UGGT1: variants seen among roughly 807,000 people sequenced by gnomAD.
UGGT1 encodes the protein UDP-glucose glycoprotein glucosyltransferase 1.
In UGGT1, 107 loss-of-function variants were observed where a neutral mutation model predicts 203.9. The observed-to-expected ratio is 0.52, with a 90% confidence interval of 0.45 to 0.62. UGGT1 has a LOEUF of 0.62. Ranked by LOEUF, UGGT1 falls within the 20% of genes least tolerant of loss-of-function variation. UGGT1 has a pLI of 0.00. For missense variants in UGGT1, 1,673 were observed against 1,867.2 expected, an observed-to-expected ratio of 0.90 and a Z score of 1.92; for synonymous variants, 628 against 653.5, an observed-to-expected ratio of 0.96 and a Z score of 0.59.
intron 40 of UGGT1, among the ~76,000 whole-genome samples, chr2:128,189,432 G>A (rs1482240934): frequency 2.0e-5 from 3 of 152,106 alleles, no homozygotes; most frequent in Non-Finnish European, 2.9e-5. Flanking sequence ...GAAAAATCCC[G>A]ACTAAAAAAA....
chr2:128,097,179 A>G (rs1296564023), intron 1 of UGGT1, among the ~76,000 whole-genome samples: 1 of 152,178 alleles, frequency 6.6e-6, no homozygotes, highest in East Asian at 1.9e-4. Flanking sequence ...GTTTGAGACC[A>G]GCCTGGCCAA....
chr2:128,182,741 T>C (rs1400738155), intron 37 of UGGT1, among the ~76,000 whole-genome samples: 1 of 151,364 alleles, frequency 6.6e-6, no homozygotes, highest in Non-Finnish European at 1.5e-5. Context: ...TTCCTAATCC[T>C]GTCTCTCTCT....
Position 128,156,390 on chromosome 2 carries a change from A to G in UGGT1, c.2237-2A>G, listed in dbSNP as rs1287602880. Reference sequence around the variant, plus strand: ...TACTCTTTTCTCTTTACCTTTGTTCAGGAATGTCCTCCAAGGAAATCTATG... The same window carrying G: ...TACTCTTTTCTCTTTACCTTTGTTCGGGAATGTCCTCCAAGGAAATCTATG... On this transcript the variant is annotated splice_acceptor_variant, in intron 20 of 40. Transcript: ENST00000259253. LOFTEE classifies it high-confidence loss of function. 1 of 1,591,222 alleles carries G rather than the reference A, an allele frequency of 6.3e-7. No homozygotes were observed. Among genetic ancestry groups the G allele is most frequent in the South Asian group, 1.1e-5 (1 of 89,928 alleles).
chr2:128,127,217 C>T (rs1688647248), intron 11 of UGGT1, 144 bp from the exon 12 acceptor site: 1 of 622,268 alleles, frequency 1.6e-6, no homozygotes, highest in Non-Finnish European at 2.9e-6. Context: ...TCTTACTTGC[C>T]ATTGAATCCC....
rs1326074386 is a variant in UGGT1, at chr2:128,173,834, T to G, written c.3348T>G (p.Gly1116=). 6.2e-7 allele frequency: 1 copy of G among 1,614,172 alleles called. No homozygotes were observed. The highest frequency in any genetic ancestry group is 1.1e-5 in the South Asian group (1 of 91,090). The change falls in exon 30 of 41, where the codon GGT becomes GGG. Residue 1116 remains glycine, a synonymous_variant. Transcript: ENST00000259253. ...AGCTGGAATACCTGTTACTGGAAGG[T>G]CATTGCTACGACATCACCACAGGCC... is the stretch of plus-strand genomic sequence containing the variant. The part of the protein sequence containing the change: ...EYELEYLLLE[G]HCYDITTGQP...
intron 10 of UGGT1, 151 bp downstream of exon 10, chr2:128,121,449 A>G: frequency 1.7e-6 from 1 of 576,048 alleles, no homozygotes; most frequent in Non-Finnish European, 2.8e-6. Context: ...CTTGTTGCCG[A>G]GGCTAGAGTG....
chr2:128,145,561 T>C, intron 17 of UGGT1: 1 of 404,146 alleles, frequency 2.5e-6, no homozygotes, highest in Non-Finnish European at 4.4e-6. Context: ...CACTTCATAA[T>C]TTGCAAGCTT....
At chr2:128,152,437 G>A (rs998237440) in intron 18 of UGGT1, among the ~76,000 whole-genome samples, 1 of 152,222 alleles carries the variant, frequency 6.6e-6, no homozygotes, top group African/African-American at 2.4e-5. Flanking sequence ...GGGATTACAG[G>A]CATGAGCCAC....
chr2:128,187,364 A>G, intron 39 of UGGT1, 85 bp from the exon 40 acceptor site: 6 of 1,454,964 alleles, frequency 4.1e-6, no homozygotes. Flanking sequence ...TTGTCCAGTT[A>G]GGACTTGTAA....
intron 16 of UGGT1, among the ~76,000 whole-genome samples, chr2:128,139,525 C>T (rs1573557807): frequency 6.6e-6 from 1 of 152,098 alleles, no homozygotes. Context: ...GGCTTGGAGG[C>T]CGAATGTCAC....
intron 31 of UGGT1, 44 bp downstream of exon 31, chr2:128,174,902 A>G: frequency 6.5e-7 from 1 of 1,543,750 alleles, no homozygotes; most frequent in Non-Finnish European, 8.9e-7. Context: ...AACTTTTAGA[A>G]ATGAGCATTA....
intron 18 of UGGT1, among the ~76,000 whole-genome samples, chr2:128,150,559 A>ATG (rs796725688): frequency 5.8e-4 from 40 of 69,132 alleles, no homozygotes; most frequent in South Asian, 4.4e-3. Context: ...GACAACTACC[A>ATG]TGTGTGTGTG....
intron 27 of UGGT1, 65 bp from the exon 28 acceptor site, chr2:128,171,140 G>A (rs1428860717): frequency 4.2e-6 from 6 of 1,426,934 alleles, no homozygotes; most frequent in Non-Finnish European, 5.8e-6. Context: ...TAATAGCTCA[G>A]TGTCAAATAA....
In UGGT1 at chr2:128,149,806, A is replaced by G. The variant is rs568359979; in HGVS notation, c.2017-2978A>G. Among the ~76,000 whole-genome samples, 8 of 150,566 alleles carry G rather than the reference A, an allele frequency of 5.3e-5. No homozygotes were observed. In the South Asian group the frequency reaches 1.7e-3, roughly 32 times the overall value. Reference sequence around the variant, plus strand: ...GTCTCAAGAAAAAAAAAAAATAATAATAATAATTAGCTGGGCGTGGTGGCT... The same window carrying G: ...GTCTCAAGAAAAAAAAAAAATAATAGTAATAATTAGCTGGGCGTGGTGGCT... On this transcript the variant is annotated intron_variant, in intron 18 of 40. Transcript: ENST00000259253.
intron 22 of UGGT1, 148 bp downstream of exon 22, chr2:128,157,494 C>T: frequency 1.7e-6 from 1 of 598,306 alleles, no homozygotes. Flanking sequence ...CTCTAGAGAT[C>T]TGCCAGCTCT....
chr2:128,137,113 T>A (rs893587200), intron 15 of UGGT1, among the ~76,000 whole-genome samples: 9 of 152,240 alleles, frequency 5.9e-5, no homozygotes, highest in African/African-American at 2.2e-4. Context: ...TTCTTATTGT[T>A]GAGTTTTAAG....
intron 26 of UGGT1, among the ~76,000 whole-genome samples, chr2:128,169,182 T>C (rs1690963761): frequency 7.0e-6 from 1 of 143,650 alleles, no homozygotes; most frequent in South Asian, 2.2e-4. Context: ...ACTAGTCTGG[T>C]CAATATGGTG....
intron 2 of UGGT1, among the ~76,000 whole-genome samples, chr2:128,101,255 A>G (rs7419718): frequency 0.89 from 135,559 of 152,194 alleles, 61,358 homozygotes; most frequent in Non-Finnish European, 0.98. Context: ...TCAAGGTACT[A>G]TGTCCATCTG....
At chr2:128,150,802 G>A (rs574958720) in intron 18 of UGGT1, among the ~76,000 whole-genome samples, 150 of 151,930 alleles carry the variant, frequency 9.9e-4, no homozygotes, top group Non-Finnish European at 1.5e-3. Flanking sequence ...GAAATCAAGG[G>A]TCACCATCTC....
Sources: gnomAD v4.1 joint callset for allele counts (sites outside exome capture counted in the v4.1 genomes callset) on GRCh38, gnomAD v4.1.1 for gene constraint, MANE v1.5 for transcripts, NCBI Gene and HGNC (gene_info 2026-07-23, HGNC 2026-07-21) for gene names.